The following DERA variants were observed in gnomAD, a reference collection of about 807,000 sequenced individuals.
The protein encoded by DERA is deoxyribose-phosphate aldolase.
A neutral mutation model predicts 41.1 loss-of-function variants in DERA; 15 were observed. The observed-to-expected ratio is 0.37, with a 90% confidence interval of 0.24 to 0.56. The LOEUF (loss-of-function observed/expected upper bound fraction) is 0.56. DERA is among the 20% of genes least tolerant of loss of function. DERA has a pLI of 0.81. For synonymous variants in DERA, 139 were observed against 137.4 expected (o/e 1.01, Z -0.08); for missense variants, 396 against 403.4 (o/e 0.98, Z 0.16).
rs547432594 is a variant in DERA at position 16,000,197 on chromosome 12, C to G, written c.637+17761C>G. On this transcript the variant is annotated intron_variant, in intron 6 of 8. Coordinates refer to ENST00000428559, the MANE Select transcript of DERA (RefSeq NM_015954.4). The surrounding 1 kb of genome is among the most constrained non-coding windows in gnomAD (Gnocchi z 4.8). ...CGAAGTCTTTTTCCCAGCCCAGGAA[C>G]CAGCGCCTCTGTTTCCATTTATAAG... Among the ~76,000 whole-genome samples, 7 of 152,298 alleles carry G rather than the reference C, an allele frequency of 4.6e-5. No individual in the cohort carries two copies. The highest frequency in any genetic ancestry group is 3.9e-4 in the Admixed American group (6 of 15,306).
chr12:15,983,082 T>G lies in DERA; in HGVS notation c.637+646T>G. Among the ~76,000 whole-genome samples, 1 of 152,192 alleles carries G rather than the reference T, an allele frequency of 6.6e-6. No individual in the cohort carries two copies. The highest frequency in any genetic ancestry group is 3.2e-3 in the Middle Eastern group (1 of 316). ...TGACACATCTTCCCTCCATTCTAAG[T>G]GCTGCTGTCTTAGGCCACCATCCTC... On this transcript the variant is annotated intron_variant, in intron 6 of 8. Coordinates refer to ENST00000428559, the MANE Select transcript of DERA (RefSeq NM_015954.4). The surrounding 1 kb of genome is among the most constrained non-coding windows in gnomAD (Gnocchi z 6.2).
intron 5 of DERA, among the ~76,000 whole-genome samples, chr12:15,977,922 T>C (rs1490360797): frequency 6.6e-6 from 1 of 152,230 alleles, no homozygotes; most frequent in African/African-American, 2.4e-5. Flanking sequence ...GAAAAATTTT[T>C]TGGAAAGGGC....
rs1948785056 is a variant in DERA at position 15,989,123 on chromosome 12, T to G, written c.637+6687T>G. ...AATGCCTGGGTCTGGAGATGTGGCT[T>G]GTTGGATGCAGCTGCCCCTGGGAGC... On this transcript the variant is annotated intron_variant, in intron 6 of 8. Transcript: ENST00000428559. This position sits in a 1 kb window ranked among gnomAD's most constrained non-coding sequence, Gnocchi z 5.2. Among the ~76,000 whole-genome samples the G allele has an allele frequency of 6.6e-6, 1 of 152,160 alleles. No homozygotes were observed. Among genetic ancestry groups the G allele is most frequent in the Non-Finnish European group, 1.5e-5 (1 of 68,008 alleles).
At position 15,943,631 on chromosome 12, in the gene DERA, A is replaced by G. The variant is rs970239212; in HGVS notation, c.32-13305A>G. 4.6e-5 allele frequency among the ~76,000 whole-genome samples: 7 copies of G among 152,078 alleles called. No homozygotes were observed. The highest frequency in any genetic ancestry group is 8.8e-5 in the Non-Finnish European group (6 of 67,994). On this transcript the variant is annotated intron_variant, in intron 1 of 8. Transcript: ENST00000428559. The surrounding 1 kb of genome is among the most constrained non-coding windows in gnomAD (Gnocchi z 4.5). ...CGGGTTTGAAACAGAACTTCCACGA[A>G]TGATCCTACCTGTATAACATGTGCT...
intron 1 of DERA, among the ~76,000 whole-genome samples, chr12:15,950,602 T>C (rs1259983622): frequency 2.0e-5 from 3 of 152,206 alleles, no homozygotes; most frequent in African/African-American, 7.2e-5. Flanking sequence ...ATGGAATTGC[T>C]CTGGTTCAAA....
intron 6 of DERA, among the ~76,000 whole-genome samples, chr12:16,016,816 A>G (rs1454415521): frequency 1.3e-5 from 2 of 150,878 alleles, no homozygotes; most frequent in Non-Finnish European, 3.0e-5. Context: ...AAAAAAAAAA[A>G]AAGAAAGAAA....
chr12:15,973,974 G>A (rs757667601), intron 5 of DERA, among the ~76,000 whole-genome samples: 15 of 152,136 alleles, frequency 9.9e-5, no homozygotes, highest in Non-Finnish European at 1.5e-4. Flanking sequence ...AAATTGGTAC[G>A]CAAAACTACA....
Position 15,924,418 on chromosome 12 carries a change from A to G in DERA, c.31+13004A>G, listed in dbSNP as rs1382332834. Among the ~76,000 whole-genome samples, 2 of 152,256 alleles carry G rather than the reference A, an allele frequency of 1.3e-5. No homozygotes were observed. Among genetic ancestry groups the G allele is most frequent in the Admixed American group, 1.3e-4 (2 of 15,282 alleles). ...TTCTAAAATTAAAATGTATATATAT[A>G]AAAGTTAAATAATTGAACTCAGTAA... On this transcript the variant is annotated intron_variant, in intron 1 of 8. Coordinates refer to ENST00000428559, the MANE Select transcript of DERA (RefSeq NM_015954.4). This position sits in a 1 kb window ranked among gnomAD's most constrained non-coding sequence, Gnocchi z 5.0.
intron 6 of DERA, among the ~76,000 whole-genome samples, chr12:16,028,210 G>A (rs1949065564): frequency 6.6e-6 from 1 of 152,086 alleles, no homozygotes; most frequent in Non-Finnish European, 1.5e-5. Flanking sequence ...CACAAGATAA[G>A]CCCTGAGCAT....
chr12:16,012,719 T>C lies in DERA; in HGVS notation c.638-19823T>C, dbSNP rs1948954758. Among the ~76,000 whole-genome samples, 1 of 152,212 alleles carries C rather than the reference T, an allele frequency of 6.6e-6. No homozygotes were observed. The highest frequency in any genetic ancestry group is 2.4e-5 in the African/African-American group (1 of 41,452). ...GTAAAATGGTGTCAAATTGTTAACC[T>C]ACAGAGTGATTACATGTTTTGGTGT... On this transcript the variant is annotated intron_variant, in intron 6 of 8. Transcript: ENST00000428559. This position sits in a 1 kb window ranked among gnomAD's most constrained non-coding sequence, Gnocchi z 4.1.
At chr12:15,916,384 AC>A (rs1948199325) in intron 1 of DERA, 1 of 150,132 alleles carries the variant, frequency 6.7e-6, no homozygotes, top group Admixed American at 6.7e-5. Context: ...GTAAAACGTT[AC>A]CTTTCATACT....
chr12:15,960,636 C>CAAAAAAAA (rs1163104277), intron 4 of DERA, among the ~76,000 whole-genome samples: 40 of 28,710 alleles, frequency 1.4e-3, no homozygotes, highest in African/African-American at 2.2e-3. Context: ...GACTCCGTCT[C>CAAAAAAAA]AAAAAAAAAA....
chr12:15,987,863 G>T (rs892080112), intron 6 of DERA, among the ~76,000 whole-genome samples: 1 of 152,118 alleles, frequency 6.6e-6, no homozygotes, highest in Non-Finnish European at 1.5e-5. Flanking sequence ...GCTGGCCTGG[G>T]TCGCACAGCT....
intron 3 of DERA, 33 bp downstream of exon 3, chr12:15,958,368 T>A (rs1440790642): frequency 6.4e-7 from 1 of 1,559,502 alleles, no homozygotes; most frequent in Non-Finnish European, 8.7e-7. Context: ...ATGTGGTGTT[T>A]AGTGCTTACA....
chr12:15,921,262 C>A lies in DERA; in HGVS notation c.31+9848C>A, dbSNP rs1948241599. Reference sequence around the variant, plus strand: ...TGCACTGTGTCTGAAAAGGGACATACTTTATTCAAATGATGCCAGTGGTTA... The same window carrying A: ...TGCACTGTGTCTGAAAAGGGACATAATTTATTCAAATGATGCCAGTGGTTA... On this transcript the variant is annotated intron_variant, in intron 1 of 8. Coordinates refer to ENST00000428559, the MANE Select transcript of DERA (RefSeq NM_015954.4). This position sits in a 1 kb window ranked among gnomAD's most constrained non-coding sequence, Gnocchi z 5.3. Among the ~76,000 whole-genome samples, 1 of 151,988 alleles carries A rather than the reference C, an allele frequency of 6.6e-6. No homozygotes were observed. The highest frequency in any genetic ancestry group is 2.1e-4 in the South Asian group (1 of 4,824).
Position 15,982,228 on chromosome 12 carries a change from G to C in DERA, c.509-80G>C. 1 of 1,396,942 alleles carries C rather than the reference G, an allele frequency of 7.2e-7. No homozygotes were observed. Among genetic ancestry groups the C allele is most frequent in the South Asian group, 1.4e-5 (1 of 71,634 alleles). 86.5% of individuals were successfully genotyped at this position (1,396,942 alleles called of 1,614,324 possible). On this transcript the variant is annotated intron_variant, in intron 5 of 8. Coordinates refer to ENST00000428559, the MANE Select transcript of DERA (RefSeq NM_015954.4). This position sits in a 1 kb window ranked among gnomAD's most constrained non-coding sequence, Gnocchi z 4.0. Reference sequence around the variant, plus strand: ...TTTATGTTTCCTAAATGTGAAATGGGTTCCACCAGCTCTAAACGGCTGCCA... The same window carrying C: ...TTTATGTTTCCTAAATGTGAAATGGCTTCCACCAGCTCTAAACGGCTGCCA...
intron 6 of DERA, among the ~76,000 whole-genome samples, chr12:16,015,384 T>C (rs1948974147): frequency 6.6e-6 from 1 of 152,240 alleles, no homozygotes; most frequent in Non-Finnish European, 1.5e-5. Flanking sequence ...TGACAGGAAG[T>C]TCTCACGAGA....
At chr12:15,979,996 T>C (rs761918467) in intron 5 of DERA, among the ~76,000 whole-genome samples, 43 of 152,362 alleles carry the variant, frequency 2.8e-4, no homozygotes, top group Admixed American at 7.2e-4. Context: ...CTTTCCAGCC[T>C]TGTCTGATGG....
chr12:15,988,756 C>T lies in DERA; in HGVS notation c.637+6320C>T, dbSNP rs1273701500. Among the ~76,000 whole-genome samples, 1 of 152,154 alleles carries T rather than the reference C, an allele frequency of 6.6e-6. No homozygotes were observed. The highest frequency in any genetic ancestry group is 2.4e-5 in the African/African-American group (1 of 41,452). ...GACCCATCCCTTCCTGCCTAGGAAC[C>T]TGTCTGCCTCCCACCACCATCATCA... On this transcript the variant is annotated intron_variant, in intron 6 of 8. Transcript: ENST00000428559. The surrounding 1 kb of genome is among the most constrained non-coding windows in gnomAD (Gnocchi z 6.0).
Sources: allele counts gnomAD v4.1 joint callset (sites outside exome capture counted in the v4.1 genomes callset), GRCh38; gene constraint gnomAD v4.1.1; non-coding constraint Gnocchi (gnomAD v3.1); transcripts MANE v1.5; gene names NCBI Gene and HGNC (gene_info 2026-07-23, HGNC 2026-07-21).